The following KCNAB1 variants were observed in gnomAD, a reference collection of about 807,000 sequenced individuals.
The protein encoded by KCNAB1 is voltage-gated potassium channel subunit beta-1.
KCNAB1 carries 35 observed loss-of-function variants against 64.6 expected under a neutral mutation model. The ratio of observed to expected loss-of-function variants is 0.54; its 90% CI spans 0.41 to 0.72. The LOEUF (loss-of-function observed/expected upper bound fraction) is 0.72. KCNAB1 is among the 30% of genes least tolerant of loss of function. The pLI, the probability that KCNAB1 is intolerant of heterozygous loss-of-function variation, is 0.00. For missense variants in KCNAB1, 401 were observed against 512.9 expected, an observed-to-expected ratio of 0.78 and a Z score of 2.11; for synonymous variants, 177 against 183.8, an observed-to-expected ratio of 0.96 and a Z score of 0.30.
chr3:156,129,298 G>A (rs1713850720), intron 1 of KCNAB1, among the ~76,000 whole-genome samples: 1 of 151,984 alleles, frequency 6.6e-6, no homozygotes, highest in South Asian at 2.1e-4. Flanking sequence ...TTCTAGTTCT[G>A]TCTCTATGTA....
At chr3:156,487,420 T>C (rs1009916168) in intron 8 of KCNAB1, among the ~76,000 whole-genome samples, 10 of 152,318 alleles carry the variant, frequency 6.6e-5, no homozygotes, top group South Asian at 2.1e-4. Flanking sequence ...CTCTGCAGTT[T>C]GGAATTTACC....
At chr3:156,118,469 C>T (rs1713175038), upstream of KCNAB1, 3 of 270,338 alleles carry the variant, frequency 1.1e-5, no homozygotes, top group Admixed American at 4.4e-5. Context: ...GTGTGAAGCT[C>T]ATCCAGATTC....
At chr3:156,446,814 T>A (rs1005562696) in intron 2 of KCNAB1, 1 of 152,254 alleles carries the variant, frequency 6.6e-6, no homozygotes, top group East Asian at 1.9e-4. Flanking sequence ...TCCTAACTGG[T>A]CCCCCATGTT....
At chr3:156,335,738 A>G (rs1723653216) in intron 1 of KCNAB1, among the ~76,000 whole-genome samples, 1 of 151,802 alleles carries the variant, frequency 6.6e-6, no homozygotes, top group African/African-American at 2.4e-5. Flanking sequence ...TTGGTATTTG[A>G]TGACATGAGC....
intron 1 of KCNAB1, among the ~76,000 whole-genome samples, chr3:156,124,959 G>A (rs990797035): frequency 6.6e-6 from 1 of 152,048 alleles, no homozygotes; most frequent in Non-Finnish European, 1.5e-5. Flanking sequence ...CCAACATGGT[G>A]AAACCTTGTC....
chr3:156,122,983 A>G (rs1713437777), intron 1 of KCNAB1, among the ~76,000 whole-genome samples: 1 of 152,124 alleles, frequency 6.6e-6, no homozygotes, highest in African/African-American at 2.4e-5. Flanking sequence ...ATCTCTTCCA[A>G]ATTTAATGTT....
At chr3:156,300,357 C>T (rs962651329) in intron 1 of KCNAB1, among the ~76,000 whole-genome samples, 5 of 152,164 alleles carry the variant, frequency 3.3e-5, no homozygotes, top group South Asian at 2.1e-4. Context: ...ACTTGAAAAC[C>T]GTTACTACAA....
chr3:156,382,310 G>A (rs550612682), intron 1 of KCNAB1: 2 of 151,880 alleles, frequency 1.3e-5, no homozygotes, highest in Non-Finnish European at 2.9e-5. Context: ...ATGGAGAAAC[G>A]CATCTCTACT....
chr3:156,348,669 G>C (rs373991020), intron 1 of KCNAB1, among the ~76,000 whole-genome samples: 1 of 152,260 alleles, frequency 6.6e-6, no homozygotes, highest in South Asian at 2.1e-4. Flanking sequence ...AGAGGGGAGT[G>C]CTCTGATCTG....
At chr3:156,227,941 T>C (rs556556032) in intron 1 of KCNAB1, 62 of 152,360 alleles carry the variant, frequency 4.1e-4, no homozygotes, top group African/African-American at 1.5e-3. Context: ...GCAATGAATA[T>C]GGGAATTATC....
At chr3:156,450,870 C>G (rs193085838) in intron 2 of KCNAB1, among the ~76,000 whole-genome samples, 1 of 151,162 alleles carries the variant, frequency 6.6e-6, no homozygotes, top group South Asian at 2.1e-4. Flanking sequence ...CCCACCCCCC[C>G]CCAAAAAAAA....
intron 1 of KCNAB1, among the ~76,000 whole-genome samples, chr3:156,409,190 T>C (rs1714466550): frequency 6.6e-6 from 1 of 152,224 alleles, no homozygotes; most frequent in South Asian, 2.1e-4. Flanking sequence ...GCCATCAATA[T>C]TGGGCTCTAG....
chr3:156,491,074 C>T (rs1243856181), intron 8 of KCNAB1, among the ~76,000 whole-genome samples: 1 of 152,118 alleles, frequency 6.6e-6, no homozygotes, highest in Non-Finnish European at 1.5e-5. Context: ...GGGCAAACTA[C>T]AAACCAAGGG....
intron 1 of KCNAB1, among the ~76,000 whole-genome samples, chr3:156,131,484 C>T (rs1713992317): frequency 6.6e-6 from 1 of 152,198 alleles, no homozygotes; most frequent in African/African-American, 2.4e-5. Context: ...GTTCCCAATC[C>T]AGGAACGGCT....
intron 5 of KCNAB1, among the ~76,000 whole-genome samples, chr3:156,461,131 G>C (rs1272602247): frequency 6.6e-6 from 1 of 152,140 alleles, no homozygotes; most frequent in Admixed American, 6.5e-5. Flanking sequence ...TCAGAGTATT[G>C]GTTTACCCAT....
At chr3:156,420,960 T>C (rs957999994) in intron 1 of KCNAB1, among the ~76,000 whole-genome samples, 2 of 149,966 alleles carry the variant, frequency 1.3e-5, no homozygotes, top group African/African-American at 2.4e-5. Context: ...CACACACACA[T>C]ATATATGTAA....
rs759596920 is a variant in KCNAB1, at chr3:156,465,625, G to T, written c.528-18G>T. 1.9e-6 allele frequency: 3 copies of T among 1,610,194 alleles called. No homozygotes were observed. The highest frequency in any genetic ancestry group is 2.2e-5 in the South Asian group (2 of 90,976). ...AGCACACTCTCATTCAAAGTTATTT[G>T]CTTCTTTTTCTTGGCAGAGCTGAAA... On this transcript the variant is annotated intron_variant, in intron 6 of 13. Transcript: ENST00000490337.
At chr3:156,458,635 T>C (rs1712640762) in intron 4 of KCNAB1, among the ~76,000 whole-genome samples, 1 of 152,206 alleles carries the variant, frequency 6.6e-6, no homozygotes, top group South Asian at 2.1e-4. Context: ...TGCTTTCTGT[T>C]GAATCCAAGG....
intron 1 of KCNAB1, among the ~76,000 whole-genome samples, chr3:156,357,154 T>TGCGC (rs10663018): frequency 7.4e-6 from 1 of 135,144 alleles, no homozygotes; most frequent in African/African-American, 3.4e-5. Context: ...AACACACATG[T>TGCGC]GCGCGCACAC....
Sources: allele counts gnomAD v4.1 joint callset (sites outside exome capture counted in the v4.1 genomes callset), GRCh38; gene constraint gnomAD v4.1.1; transcripts MANE v1.5; gene names NCBI Gene and HGNC (gene_info 2026-07-23, HGNC 2026-07-21).